Variants in GFI1B observed in about 807,000 individuals in gnomAD.
GFI1B encodes the protein zinc finger protein Gfi-1b.
Under a neutral mutation model 35.3 loss-of-function variants are expected in GFI1B, and 20 were observed. The ratio of observed to expected loss-of-function variants is 0.57; its 90% CI spans 0.40 to 0.82. The LOEUF (loss-of-function observed/expected upper bound fraction) is 0.82. Ranked by LOEUF, GFI1B falls within the 40% of genes least tolerant of loss-of-function variation. The probability of loss-of-function intolerance (pLI) is 0.00; values close to 1 mark genes in which losing one functional copy is unlikely to be tolerated. For synonymous variants in GFI1B, 178 were observed against 177.6 expected (o/e 1.00, Z -0.02); for missense variants, 430 against 446.3 (o/e 0.96, Z 0.33).
chr9:132,986,944 T>G (rs1186520492), intron 2 of GFI1B, among the ~76,000 whole-genome samples, 166 bp downstream of exon 2: 1 of 152,230 alleles, frequency 6.6e-6, no homozygotes, highest in East Asian at 1.9e-4. Flanking sequence ...AAATGAGTGA[T>G]GCCCTCATCC....
At chr9:132,945,830 G>A (rs1848074120) in intron 1 of GFI1B, 1 of 153,436 alleles carries the variant, frequency 6.5e-6, no homozygotes, top group African/African-American at 2.4e-5. Context: ...GGAACCAAAG[G>A]AGCAAGAGCC....
intron 1 of GFI1B, among the ~76,000 whole-genome samples, chr9:132,979,468 A>T (rs1214790261): frequency 6.6e-6 from 1 of 151,936 alleles, no homozygotes; most frequent in Non-Finnish European, 1.5e-5. Flanking sequence ...CGAACTCTTG[A>T]CCTCAAACGA....
At chr9:132,980,740 A>T (rs1483474067) in intron 1 of GFI1B, among the ~76,000 whole-genome samples, 1 of 152,154 alleles carries the variant, frequency 6.6e-6, no homozygotes, top group Non-Finnish European at 1.5e-5. Flanking sequence ...TGCCTATTTT[A>T]GGGACTCATA....
intron 3 of GFI1B, among the ~76,000 whole-genome samples, chr9:132,987,749 G>A (rs1849127139): frequency 6.6e-6 from 1 of 152,206 alleles, no homozygotes; most frequent in Non-Finnish European, 1.5e-5. Flanking sequence ...CTGGCAGTAA[G>A]TATCTGGGTT....
At chr9:132,977,702 A>G (rs1475595821), upstream of GFI1B, among the ~76,000 whole-genome samples, 1 of 151,872 alleles carries the variant, frequency 6.6e-6, no homozygotes, top group East Asian at 1.9e-4. Context: ...AGGGGATGGG[A>G]CGCCCTGCCA....
At chr9:132,973,786 T>C (rs1208416987), upstream of GFI1B, among the ~76,000 whole-genome samples, 1 of 152,180 alleles carries the variant, frequency 6.6e-6, no homozygotes, top group Non-Finnish European at 1.5e-5. Context: ...CAAACGCCTC[T>C]CTGGCCTTAT....
intron 1 of GFI1B, among the ~76,000 whole-genome samples, chr9:132,961,695 C>A (rs556223484): frequency 6.6e-6 from 1 of 151,876 alleles, no homozygotes; most frequent in African/African-American, 2.4e-5. Flanking sequence ...GGGTTCACGC[C>A]ATCCTCCTGC....
Position 132,986,786 on chromosome 9 carries a change from A to T in GFI1B, c.100+8A>T. 1 of 1,584,476 alleles carries T rather than the reference A, an allele frequency of 6.3e-7. No homozygotes were observed. Among genetic ancestry groups the T allele is most frequent in the Non-Finnish European group, 8.6e-7 (1 of 1,157,428 alleles). ...CTCCTGCCCTTACCCCGGGTGAGTC[A>T]GAGCCCGGGCTGGCGCCTGCTGCAC... On this transcript the variant is annotated splice_region_variant and intron_variant, in intron 2 of 6. Transcript: ENST00000372122.
At chr9:132,992,041 G>A (rs1176409568), downstream of GFI1B, among the ~76,000 whole-genome samples, 3 of 152,100 alleles carry the variant, frequency 2.0e-5, no homozygotes, top group East Asian at 5.8e-4. Flanking sequence ...GAGTCTCATG[G>A]GGCTAACATC....
intron 1 of GFI1B, among the ~76,000 whole-genome samples, chr9:132,982,910 G>A (rs973199502): frequency 1.3e-5 from 2 of 152,116 alleles, no homozygotes; most frequent in African/African-American, 2.4e-5. Flanking sequence ...ACCTTCCTGA[G>A]GCTGGAGAAC....
At chr9:132,952,838 C>A (rs1848222400) in intron 1 of GFI1B, 1 of 152,176 alleles carries the variant, frequency 6.6e-6, no homozygotes, top group Non-Finnish European at 1.5e-5. Flanking sequence ...TTATCCAATG[C>A]TTTTTCTGCA....
intron 1 of GFI1B, among the ~76,000 whole-genome samples, chr9:132,980,391 G>T (rs1287528788): frequency 6.6e-6 from 1 of 152,222 alleles, no homozygotes; most frequent in Non-Finnish European, 1.5e-5. Context: ...CCCCCTCTTA[G>T]TCTAGAGGGA....
intron 1 of GFI1B, among the ~76,000 whole-genome samples, chr9:132,967,971 G>A (rs976668791): frequency 6.6e-6 from 1 of 151,948 alleles, no homozygotes; most frequent in African/African-American, 2.4e-5. Context: ...TAGTAGAGAT[G>A]GGGTTTCACC....
At chr9:132,987,513 G>A (rs1280754156) in intron 3 of GFI1B, 94 bp downstream of exon 3, 2 of 1,449,874 alleles carry the variant, frequency 1.4e-6, no homozygotes, top group Admixed American at 1.8e-5. Flanking sequence ...GGGCCCTGGA[G>A]TCAGGAAGGA....
At chr9:132,946,040 G>T (rs1848087298) in intron 1 of GFI1B, among the ~76,000 whole-genome samples, 1 of 152,124 alleles carries the variant, frequency 6.6e-6, no homozygotes. Flanking sequence ...GCCTTGGTGA[G>T]AATTAGAAAA....
chr9:132,947,695 G>C (rs1435136200), intron 1 of GFI1B, among the ~76,000 whole-genome samples: 5 of 151,626 alleles, frequency 3.3e-5, no homozygotes, highest in Non-Finnish European at 7.4e-5. Flanking sequence ...TATAATCCAA[G>C]CTACTCAGGA....
chr9:132,985,166 G>A (rs1287437277), intron 1 of GFI1B, among the ~76,000 whole-genome samples: 1 of 152,232 alleles, frequency 6.6e-6, no homozygotes, highest in African/African-American at 2.4e-5. Context: ...ACCAGAAGAT[G>A]CTCTCCAGAG....
upstream of GFI1B, among the ~76,000 whole-genome samples, chr9:132,977,773 T>TC (rs1317718480): frequency 6.6e-6 from 1 of 152,058 alleles, no homozygotes; most frequent in Non-Finnish European, 1.5e-5. Flanking sequence ...CCCCCCAGCA[T>TC]CAATGGGACA....
rs373602732 is a variant in GFI1B, at chr9:132,966,364, G to GA, written c.-700-6350dup. 1.7e-3 allele frequency among the ~76,000 whole-genome samples: 211 copies of GA among 121,110 alleles called. 1 individual carries two copies. Among genetic ancestry groups the GA allele is most frequent in the East Asian group, 4.8e-3 (21 of 4,394 alleles). 79.5% of individuals were successfully genotyped at this position (121,110 alleles called of 152,430 possible). On this transcript the variant is annotated intron_variant, in intron 1 of 10. Coordinates refer to the GFI1B transcript ENST00000339463. Reference sequence around the variant, plus strand: ...ACAAAGTGAGATCCTATCTCAAAAAGAAAAAAAAAAAGAAAAGAACAAGAA... The same window carrying GA: ...ACAAAGTGAGATCCTATCTCAAAAAGAAAAAAAAAAAAGAAAAGAACAAGAA...
Sources: gnomAD v4.1 joint callset for allele counts (sites outside exome capture counted in the v4.1 genomes callset) on GRCh38, gnomAD v4.1.1 for gene constraint, MANE v1.5 for transcripts, NCBI Gene and HGNC (gene_info 2026-07-23, HGNC 2026-07-21) for gene names.